The following ATP2B1 variants were observed in gnomAD, a reference collection of about 807,000 sequenced individuals.
The protein encoded by ATP2B1 is plasma membrane calcium-transporting ATPase 1.
A neutral mutation model predicts 124.2 loss-of-function variants in ATP2B1; 14 were observed. The observed-to-expected ratio is 0.11, with a 90% CI of 0.07 to 0.18. The LOEUF is 0.18. Among genes scored for constraint, ATP2B1 ranks in the 10% least tolerant of loss-of-function variants. ATP2B1 has a pLI of 1.00. For synonymous variants in ATP2B1, 449 were observed against 492.4 expected (o/e 0.91, Z 1.17); for missense variants, 763 against 1,466.1 (o/e 0.52, Z 7.83).
intron 2 of ATP2B1, among the ~76,000 whole-genome samples, chr12:89,648,301 T>C (rs1592855804): frequency 6.6e-6 from 1 of 152,144 alleles, no homozygotes; most frequent in Non-Finnish European, 1.5e-5. Flanking sequence ...ATATAAACAC[T>C]GAAGTCCAAG....
chr12:89,668,161 T>C (rs1489205837), intron 1 of ATP2B1, among the ~76,000 whole-genome samples: 1 of 152,160 alleles, frequency 6.6e-6, no homozygotes, highest in Non-Finnish European at 1.5e-5. Flanking sequence ...GCTACCGTGA[T>C]AAAAACACAT....
chr12:89,599,437 AG>A, intron 19 of ATP2B1, 138 bp from the exon 20 acceptor site: 1 of 906,524 alleles, frequency 1.1e-6, no homozygotes, highest in South Asian at 2.0e-5. Context: ...CCTGTTGATT[AG>A]TCTTTCTCTC....
chr12:89,623,386 CG>C (rs1880321839), intron 9 of ATP2B1, among the ~76,000 whole-genome samples: 1 of 149,288 alleles, frequency 6.7e-6, no homozygotes, highest in Admixed American at 6.7e-5. Flanking sequence ...CCACCTTTTC[CG>C]TAAGATAGAA....
rs555660440 is a variant in ATP2B1, at chr12:89,633,770, T to C, written c.787+1008A>G. 9.2e-5 allele frequency among the ~76,000 whole-genome samples: 14 copies of C among 152,250 alleles called. No individual in the cohort carries two copies. The South Asian group carries it at 2.7e-3, about 29-fold the overall frequency. On this transcript the variant is annotated intron_variant, in intron 5 of 20. Coordinates refer to ENST00000428670, the MANE Select transcript of ATP2B1 (RefSeq NM_001366521.1). ...TTTCAGCAGCAATCATCTGACAATG[T>C]ATAAAATGTTGGCAATCTATCAACA...
chr12:89,689,425 G>A (rs1178283588), intron 1 of ATP2B1, among the ~76,000 whole-genome samples: 1 of 151,982 alleles, frequency 6.6e-6, no homozygotes, highest in Non-Finnish European at 1.5e-5. Context: ...AAGGAAATTG[G>A]GTCTTCCAGC....
rs763956684 is a variant in ATP2B1 at position 89,635,014 on chromosome 12, A to G, written c.644T>C (p.Ile215Thr). ...IPVADITVGDIAQVKYGDLLP... is the reference protein window; with the variant it reads ...IPVADITVGDTAQVKYGDLLP... Reference sequence around the variant, plus strand: ...TTACTTACCATATTTCACTTGAGCAATATCTCCAACAGTAATGTCAGCTAC... The same window carrying G: ...TTACTTACCATATTTCACTTGAGCAGTATCTCCAACAGTAATGTCAGCTAC... The change falls in exon 4 of 21, where the codon ATT becomes ACT. Residue 215 changes from isoleucine to threonine, a missense_variant. Coordinates refer to ENST00000428670, the MANE Select transcript of ATP2B1 (RefSeq NM_001366521.1). 3.1e-6 allele frequency: 5 copies of G among 1,613,892 alleles called. No homozygotes were observed. The highest frequency in any genetic ancestry group is 1.3e-5 in the African/African-American group (1 of 75,058).
At chr12:89,594,370 TTAA>T (rs1291404425) in intron 20 of ATP2B1, 2 of 151,994 alleles carry the variant, frequency 1.3e-5, no homozygotes, top group Non-Finnish European at 1.5e-5. Context: ...GGAAACTATA[TTAA>T]TAATAATTCA....
At chr12:89,687,343 CTA>C (rs2136691999) in intron 1 of ATP2B1, among the ~76,000 whole-genome samples, 1 of 152,226 alleles carries the variant, frequency 6.6e-6, no homozygotes, top group Admixed American at 6.6e-5. Context: ...AAGCAATAGG[CTA>C]TGCCACATAG....
intron 20 of ATP2B1, among the ~76,000 whole-genome samples, chr12:89,598,196 A>G (rs1222706377): frequency 1.3e-5 from 2 of 152,202 alleles, no homozygotes; most frequent in Non-Finnish European, 2.9e-5. Flanking sequence ...TAGCTTTGAA[A>G]ATGCAATTTC....
At position 89,589,485 on chromosome 12, in the gene ATP2B1, C is replaced by T. The variant is rs1255374248; in HGVS notation, c.*1499G>A. On this transcript the variant is annotated 3_prime_UTR_variant, in exon 21 of 21. Coordinates refer to ENST00000428670, the MANE Select transcript of ATP2B1 (RefSeq NM_001366521.1). ...AACCTTTTCATGTAATCTCATTTTA[C>T]CTAATCTGTTATTTGGCCACTTAAG... is the stretch of plus-strand genomic sequence containing the variant. 1 of 152,032 alleles carries T rather than the reference C, an allele frequency of 6.6e-6. No homozygotes were observed. The highest frequency in any genetic ancestry group is 1.9e-4 in the East Asian group (1 of 5,190). 9.4% of individuals were successfully genotyped at this position (152,032 alleles called of 1,614,324 possible).
Position 89,626,629 on chromosome 12 carries a change from C to A in ATP2B1, c.968-14G>T. On this transcript the variant is annotated splice_polypyrimidine_tract_variant and intron_variant, in intron 7 of 20. Transcript: ENST00000428670. ...CCTGGGCTTTTGCTACATTTAAGAG[C>A]AAATAGAACTTCACTATACTTTAAA... 1 of 1,578,300 alleles carries A rather than the reference C, an allele frequency of 6.3e-7. No homozygotes were observed.
intron 1 of ATP2B1, among the ~76,000 whole-genome samples, chr12:89,689,296 A>G (rs1427854673): frequency 6.6e-6 from 1 of 152,140 alleles, no homozygotes; most frequent in Non-Finnish European, 1.5e-5. Context: ...TACTAAAAAA[A>G]ATTATTCACT....
At chr12:89,596,408 T>C (rs529446674) in intron 20 of ATP2B1, among the ~76,000 whole-genome samples, 1 of 152,218 alleles carries the variant, frequency 6.6e-6, no homozygotes, top group South Asian at 2.1e-4. Flanking sequence ...ACTAGACTCA[T>C]AACACACATA....
intron 5 of ATP2B1, among the ~76,000 whole-genome samples, chr12:89,634,129 C>G (rs1475078391): frequency 6.6e-6 from 1 of 152,106 alleles, no homozygotes; most frequent in East Asian, 1.9e-4. Context: ...CAAGCTGTCA[C>G]CCTCCATTTC....
intron 1 of ATP2B1, among the ~76,000 whole-genome samples, chr12:89,702,833 A>G (rs1333431487): frequency 1.3e-5 from 2 of 152,204 alleles, no homozygotes; most frequent in African/African-American, 4.8e-5. Context: ...TGTACTTAGA[A>G]ATACCAAATA....
At chr12:89,646,638 C>A (rs374436599) in intron 2 of ATP2B1, among the ~76,000 whole-genome samples, 1 of 152,170 alleles carries the variant, frequency 6.6e-6, no homozygotes, top group East Asian at 1.9e-4. Flanking sequence ...CTTTCTTTCA[C>A]TAGATAGAGG....
intron 1 of ATP2B1, among the ~76,000 whole-genome samples, chr12:89,700,597 T>C (rs945153065): frequency 5.9e-5 from 9 of 152,204 alleles, no homozygotes. Flanking sequence ...GTCAGTATCA[T>C]CCATGAGTGT....
intron 10 of ATP2B1, among the ~76,000 whole-genome samples, chr12:89,621,183 T>G (rs978090895): frequency 6.6e-6 from 1 of 152,156 alleles, no homozygotes; most frequent in Non-Finnish European, 1.5e-5. Flanking sequence ...TATTTTAAGT[T>G]GAAATCGGCT....
At chr12:89,649,307 T>C (rs193140106) in intron 2 of ATP2B1, among the ~76,000 whole-genome samples, 1 of 152,234 alleles carries the variant, frequency 6.6e-6, no homozygotes, top group Non-Finnish European at 1.5e-5. Context: ...ACCTACCTTA[T>C]AAAGCCACAG....
Sources: gnomAD v4.1 joint callset for allele counts (sites outside exome capture counted in the v4.1 genomes callset) on GRCh38, gnomAD v4.1.1 for gene constraint, MANE v1.5 for transcripts, NCBI Gene and HGNC (gene_info 2026-07-23, HGNC 2026-07-21) for gene names.